HMGB1: variants seen among roughly 807,000 people sequenced by gnomAD.
The protein encoded by HMGB1 is high mobility group protein B1.
For synonymous variants in HMGB1, 81 were observed against 84.0 expected (o/e 0.96, Z 0.19); for missense variants, 79 against 253.5 (o/e 0.31, Z 4.67).
intron 1 of HMGB1, among the ~76,000 whole-genome samples, chr13:30,472,881 A>C (rs551525919): frequency 6.6e-6 from 1 of 151,646 alleles, no homozygotes; most frequent in South Asian, 2.1e-4. Flanking sequence ...GGGCAGTGAA[A>C]ATAAAGGAAT....
intron 1 of HMGB1, among the ~76,000 whole-genome samples, chr13:30,609,194 C>T (rs1950489972): frequency 3.3e-5 from 5 of 152,130 alleles, no homozygotes; most frequent in African/African-American, 4.8e-5. Flanking sequence ...ACCCGGAAGG[C>T]GGAGCTTGCA....
chr13:30,548,024 G>A (rs1022106040), intron 1 of HMGB1, among the ~76,000 whole-genome samples: 4 of 152,158 alleles, frequency 2.6e-5, no homozygotes, highest in Admixed American at 1.3e-4. Context: ...ATCTAATGGT[G>A]TTTTTCTAAG....
At chr13:30,513,488 G>A (rs1242937961) in intron 1 of HMGB1, among the ~76,000 whole-genome samples, 3 of 152,140 alleles carry the variant, frequency 2.0e-5, no homozygotes, top group Non-Finnish European at 4.4e-5. Context: ...CTTCATATTT[G>A]TATTTCTAGG....
At chr13:30,501,312 C>A (rs1887729935) in intron 1 of HMGB1, among the ~76,000 whole-genome samples, 1 of 152,076 alleles carries the variant, frequency 6.6e-6, no homozygotes, top group Non-Finnish European at 1.5e-5. Context: ...GAGTTATTAA[C>A]CTTAGGTTTG....
rs867496832 is a variant in HMGB1 at position 30,558,984 on chromosome 13, G to T, written c.-15+57687C>A. 3.9e-5 allele frequency among the ~76,000 whole-genome samples: 6 copies of T among 152,276 alleles called. No homozygotes were observed. In the South Asian group the frequency reaches 1.2e-3, roughly 32 times the overall value. ...CCAAACTTGTTGAAGGTTAACCCTG[G>T]CTCGTGACTCACAGTAGGTGTTCAG... On this transcript the variant is annotated intron_variant, in intron 1 of 4. Coordinates refer to the HMGB1 transcript ENST00000405805.
chr13:30,595,093 C>T (rs1871542797), intron 1 of HMGB1, among the ~76,000 whole-genome samples: 3 of 151,942 alleles, frequency 2.0e-5, no homozygotes, highest in Admixed American at 2.0e-4. Context: ...ATCTAGTAAA[C>T]TCTTCAAAGA....
intron 1 of HMGB1, chr13:30,464,868 C>G (rs953150394): frequency 6.7e-6 from 1 of 149,950 alleles, no homozygotes. Context: ...GGCGCACACA[C>G]TCGGCCATTA....
chr13:30,526,166 C>T (rs1020887759), intron 1 of HMGB1, among the ~76,000 whole-genome samples: 7 of 152,326 alleles, frequency 4.6e-5, no homozygotes, highest in South Asian at 4.1e-4. Flanking sequence ...AAGTGATTCT[C>T]ACGCCTCAGT....
intron 1 of HMGB1, among the ~76,000 whole-genome samples, chr13:30,517,219 G>A (rs1888121193): frequency 6.6e-6 from 1 of 152,198 alleles, no homozygotes; most frequent in Non-Finnish European, 1.5e-5. Flanking sequence ...CCAATGGTCT[G>A]GGGTGAGACC....
At chr13:30,541,985 T>A in intron 1 of HMGB1, 1 of 153,208 alleles carries the variant, frequency 6.5e-6, no homozygotes, top group Non-Finnish European at 1.5e-5. Flanking sequence ...CCGCAGGTGC[T>A]CAATTTCTGC....
In HMGB1 at chr13:30,559,163, G is replaced by C. The variant is rs1435008168; in HGVS notation, c.-15+57508C>G. 6.6e-6 allele frequency among the ~76,000 whole-genome samples: 1 copy of C among 152,008 alleles called. No homozygotes were observed. Among genetic ancestry groups the C allele is most frequent in the Non-Finnish European group, 1.5e-5 (1 of 68,012 alleles). ...AAATGTACCTGGGGTGGGGGGTGCG[G>C]GTGGAGGAAAAATTGCCCCTGTTGA... On this transcript the variant is annotated intron_variant, in intron 1 of 4. Coordinates refer to the HMGB1 transcript ENST00000405805. The surrounding 1 kb of genome is among the most constrained non-coding windows in gnomAD (Gnocchi z 6.6).
chr13:30,529,028 C>CA (rs59654057), intron 1 of HMGB1, among the ~76,000 whole-genome samples: 2,038 of 53,480 alleles, frequency 0.038, 246 homozygotes, highest in Non-Finnish European at 0.052. Flanking sequence ...GACTGCGTCT[C>CA]AAAAAAAAAA....
At chr13:30,596,011 T>A (rs931801684) in intron 1 of HMGB1, among the ~76,000 whole-genome samples, 5 of 152,206 alleles carry the variant, frequency 3.3e-5, no homozygotes, top group African/African-American at 1.2e-4. Flanking sequence ...GGGGCCATCT[T>A]GGAAGCTGGC....
chr13:30,497,130 G>A lies in HMGB1; in HGVS notation c.-14-33436C>T, dbSNP rs145478881. Among the ~76,000 whole-genome samples, 1,470 of 151,930 alleles carry A rather than the reference G, an allele frequency of 9.7e-3. 6 individuals are homozygous for A. The highest frequency in any genetic ancestry group is 0.034 in the Middle Eastern group (10 of 294). ...GGCTCCTTCCTCTTCACGTTTCACT[G>A]TAACCAGGACCCTTCAATGCAGATG... is the stretch of plus-strand genomic sequence containing the variant. On this transcript the variant is annotated intron_variant, in intron 1 of 4. Transcript: ENST00000405805.
chr13:30,556,799 C>T (rs562682947), intron 1 of HMGB1, among the ~76,000 whole-genome samples: 47 of 152,060 alleles, frequency 3.1e-4, no homozygotes, highest in Admixed American at 9.8e-4. Flanking sequence ...AAAATTATAG[C>T]GAGATAAGAG....
intron 4 of HMGB1, chr13:30,462,224 G>A: frequency 7.7e-6 from 3 of 387,666 alleles, no homozygotes; most frequent in South Asian, 6.4e-5. Flanking sequence ...GCCTGTTTTT[G>A]TACTGTATGC....
intron 1 of HMGB1, among the ~76,000 whole-genome samples, chr13:30,576,095 A>G (rs913441756): frequency 1.3e-5 from 2 of 152,134 alleles, no homozygotes; most frequent in Non-Finnish European, 2.9e-5. Context: ...TTTCTATACT[A>G]TACTATGTCT....
chr13:30,607,869 T>C lies in HMGB1; in HGVS notation c.-15+8802A>G, dbSNP rs1181647461. On this transcript the variant is annotated intron_variant, in intron 1 of 4. Transcript: ENST00000405805. ...TTACCATGAAACGATTTTATTGGGA[T>C]ATTAGACATTACTGAATTACTTGTT... Among the ~76,000 whole-genome samples, 10 of 152,336 alleles carry C rather than the reference T, an allele frequency of 6.6e-5. No individual in the cohort carries two copies. The South Asian group carries it at 2.1e-3, about 32-fold the overall frequency.
intron 1 of HMGB1, among the ~76,000 whole-genome samples, chr13:30,516,154 T>C (rs1461819593): frequency 6.6e-6 from 1 of 152,226 alleles, no homozygotes; most frequent in Non-Finnish European, 1.5e-5. Flanking sequence ...AATCTTTCTT[T>C]GAGAAATAAT....
Sources: gnomAD v4.1 joint callset for allele counts (sites outside exome capture counted in the v4.1 genomes callset) on GRCh38, gnomAD v4.1.1 for gene constraint, Gnocchi (gnomAD v3.1) non-coding constraint, MANE v1.5 for transcripts, NCBI Gene and HGNC (gene_info 2026-07-23, HGNC 2026-07-21) for gene names.